HSCB: variants seen among roughly 807,000 people sequenced by gnomAD.
The protein encoded by HSCB is HscB mitochondrial iron-sulfur cluster cochaperone.
Under a neutral mutation model 31.3 loss-of-function variants are expected in HSCB, and 23 were observed. The observed-to-expected ratio is 0.74, with a 90% CI of 0.53 to 1.04. The LOEUF is 1.04. HSCB is among the 50% of genes least tolerant of loss of function. The pLI, the probability that HSCB is intolerant of heterozygous loss-of-function variation, is 0.00. For missense variants in HSCB, 297 were observed against 288.1 expected, an observed-to-expected ratio of 1.03 and a Z score of -0.22; for synonymous variants, 110 against 104.5, an observed-to-expected ratio of 1.05 and a Z score of -0.32.
At position 28,745,943 on chromosome 22, in the gene HSCB, T is replaced by G; in HGVS notation, c.503T>G (p.Ile168Ser). The change falls in exon 4 of 6, where the codon ATC becomes AGC. Residue 168 changes from isoleucine (I) to serine (S), a missense_variant. Ile to Ser is a moderately radical substitution (Grantham distance 142, BLOSUM62 -2). Coordinates refer to ENST00000216027, the MANE Select transcript of HSCB (RefSeq NM_172002.5). ...DRQFLIEIME[I>S]NEKLAEAESE... ...CAATTCCTCATAGAAATAATGGAAA[T>G]CAATGAAAAACTCGCAGAAGCTGAA... The G allele has an allele frequency of 6.2e-7, 1 of 1,613,600 alleles. No homozygotes were observed. The highest frequency in any genetic ancestry group is 8.5e-7 in the Non-Finnish European group (1 of 1,179,714).
chr22:28,747,826 TG>T (rs2029936200), intron 4 of HSCB, among the ~76,000 whole-genome samples: 1 of 152,164 alleles, frequency 6.6e-6, no homozygotes, highest in East Asian at 1.9e-4. Context: ...AGTTTATATA[TG>T]TCAACTGTAC....
chr22:28,742,258 A>G lies in HSCB; in HGVS notation c.163A>G (p.Arg55Gly). The change falls in exon 1 of 6, where the codon AGG becomes GGG. Residue 55 changes from arginine (R) to glycine (G), a missense_variant. Arg to Gly is a moderately radical substitution (Grantham distance 125, BLOSUM62 -2). Coordinates refer to ENST00000216027, the MANE Select transcript of HSCB (RefSeq NM_172002.5). Reference protein sequence around the residue: ...GGPWGPGREDRFFCPQCRALQ... With the variant: ...GGPWGPGREDGFFCPQCRALQ... ...CCCATGGGGCCCCGGGCGGGAGGAC[A>G]GGTTCTTCTGCCCACAGTGCCGAGC... 1 of 1,614,082 alleles carries G rather than the reference A, an allele frequency of 6.2e-7. No individual in the cohort carries two copies. The highest frequency in any genetic ancestry group is 1.3e-5 in the African/African-American group (1 of 75,060).
At chr22:28,747,205 C>T (rs1449919319) in intron 4 of HSCB, among the ~76,000 whole-genome samples, 1 of 152,198 alleles carries the variant, frequency 6.6e-6, no homozygotes, top group Admixed American at 6.5e-5. Context: ...GGATGAGGCC[C>T]ACCCACATTA....
chr22:28,756,733 A>G lies in HSCB; in HGVS notation c.617-345A>G, dbSNP rs541201526. On this transcript the variant is annotated intron_variant, in intron 5 of 5. Coordinates refer to ENST00000216027, the MANE Select transcript of HSCB (RefSeq NM_172002.5). The stretch of plus-strand genomic sequence containing the variant: ...GGTCTTCAATTCCTGGGCTCAAGCC[A>G]TCCTCCCGCCTCAGCCTCCCAAAAT... Among the ~76,000 whole-genome samples, 8 of 152,112 alleles carry G rather than the reference A, an allele frequency of 5.3e-5. No individual in the cohort carries two copies. In the South Asian group the frequency reaches 8.3e-4, roughly 16 times the overall value.
At chr22:28,753,099 G>C (rs924004282) in intron 5 of HSCB, among the ~76,000 whole-genome samples, 2 of 152,092 alleles carry the variant, frequency 1.3e-5, no homozygotes, top group Non-Finnish European at 2.9e-5. Context: ...ATTATTTAGA[G>C]TGGAGGAAAT....
At chr22:28,747,250 T>C (rs923027117) in intron 4 of HSCB, among the ~76,000 whole-genome samples, 2 of 152,198 alleles carry the variant, frequency 1.3e-5, no homozygotes, top group African/African-American at 4.8e-5. Context: ...AGTCAACTGA[T>C]TATAAATGTT....
At chr22:28,754,949 C>A (rs1191368516) in intron 5 of HSCB, among the ~76,000 whole-genome samples, 1 of 150,758 alleles carries the variant, frequency 6.6e-6, no homozygotes, top group East Asian at 2.1e-4. Context: ...GAGCCTGCCA[C>A]CACACCCGGC....
intron 5 of HSCB, 122 bp downstream of exon 5, chr22:28,751,410 AT>A: frequency 1.7e-6 from 1 of 581,794 alleles, no homozygotes; most frequent in Non-Finnish European, 3.0e-6. Flanking sequence ...GAGATATGAA[AT>A]ACTTATGAGT....
chr22:28,753,261 C>A (rs1281155347), intron 5 of HSCB, among the ~76,000 whole-genome samples: 1 of 151,988 alleles, frequency 6.6e-6, no homozygotes, highest in Non-Finnish European at 1.5e-5. Context: ...CGTGGTGGCT[C>A]ACATCTGTAA....
At chr22:28,749,705 T>G (rs1016770376) in intron 4 of HSCB, among the ~76,000 whole-genome samples, 1 of 152,152 alleles carries the variant, frequency 6.6e-6, no homozygotes, top group African/African-American at 2.4e-5. Context: ...CTTGGAGATA[T>G]GTTCACAGCA....
At chr22:28,750,199 A>C (rs1299254569) in intron 4 of HSCB, among the ~76,000 whole-genome samples, 2 of 143,618 alleles carry the variant, frequency 1.4e-5, no homozygotes, top group Non-Finnish European at 1.5e-5. Context: ...CAGTGAGCCG[A>C]GATCGCACCA....
At chr22:28,755,072 G>A (rs987073971) in intron 5 of HSCB, among the ~76,000 whole-genome samples, 12 of 149,448 alleles carry the variant, frequency 8.0e-5, no homozygotes, top group African/African-American at 2.9e-4. Flanking sequence ...GGGATTACAG[G>A]CGTGAGCCAC....
chr22:28,747,126 A>G (rs1031955699), intron 4 of HSCB, among the ~76,000 whole-genome samples: 2 of 152,130 alleles, frequency 1.3e-5, no homozygotes, highest in Non-Finnish European at 2.9e-5. Flanking sequence ...CAGGATTTCT[A>G]TGTTACAGTC....
At chr22:28,744,771 G>T in intron 3 of HSCB, 67 bp downstream of exon 3, 4 of 1,233,082 alleles carry the variant, frequency 3.2e-6, no homozygotes, top group Non-Finnish European at 3.6e-6. Context: ...GGACAGCCAC[G>T]TCCCCTTTAT....
intron 4 of HSCB, among the ~76,000 whole-genome samples, chr22:28,750,985 A>G (rs1337984610): frequency 1.7e-5 from 1 of 59,880 alleles, no homozygotes; most frequent in Non-Finnish European, 3.1e-5. Flanking sequence ...TTCTATAGCC[A>G]TTTTATAAGC....
At chr22:28,754,715 C>G (rs1462004366) in intron 5 of HSCB, among the ~76,000 whole-genome samples, 1 of 151,490 alleles carries the variant, frequency 6.6e-6, no homozygotes, top group Non-Finnish European at 1.5e-5. Flanking sequence ...GCTTGCCCAA[C>G]AATGTGAATG....
chr22:28,744,766 G>T, intron 3 of HSCB, 62 bp downstream of exon 3: 1 of 1,262,114 alleles, frequency 7.9e-7, no homozygotes, highest in Non-Finnish European at 1.2e-6. Flanking sequence ...GCGTAGGACA[G>T]CCACGTCCCC....
rs750305344 is a variant in HSCB at position 28,757,065 on chromosome 22, C to CT, written c.617-12dup. 38 of 1,434,426 alleles carry CT rather than the reference C, an allele frequency of 2.6e-5. No homozygotes were observed. The South Asian group carries it at 3.6e-4, about 13-fold the overall frequency. The allele number at this position is 1,434,426 out of a possible 1,614,324, so 88.9% of individuals were successfully genotyped here. ...GAAATGAAGCCTGACTTCAGTGTCTCTGTCTATTTCAGATGACTTTGAAGA... is the reference window on the plus strand; with the variant it reads ...GAAATGAAGCCTGACTTCAGTGTCTCTTGTCTATTTCAGATGACTTTGAAGA... On this transcript the variant is annotated splice_polypyrimidine_tract_variant and intron_variant, in intron 5 of 5. Transcript: ENST00000216027.
chr22:28,748,683 T>C (rs2030000559), intron 4 of HSCB, among the ~76,000 whole-genome samples: 1 of 151,944 alleles, frequency 6.6e-6, no homozygotes. Flanking sequence ...TGGCTAATTT[T>C]TCTATTTTTT....
Sources: allele counts gnomAD v4.1 joint callset (sites outside exome capture counted in the v4.1 genomes callset), GRCh38; gene constraint gnomAD v4.1.1; transcripts MANE v1.5; gene names NCBI Gene and HGNC (gene_info 2026-07-23, HGNC 2026-07-21).